The following GXYLT2 variants were observed in gnomAD, a reference collection of about 807,000 sequenced individuals.
The protein encoded by GXYLT2 is glucoside xylosyltransferase 2.
In GXYLT2, 53 loss-of-function variants were observed where a neutral mutation model predicts 45.8. The ratio of observed to expected loss-of-function variants is 1.16; its 90% CI spans 0.93 to 1.46. The LOEUF is 1.46. GXYLT2 is among the 40% of genes most tolerant of loss of function. The pLI is 0.00. For missense variants in GXYLT2, 551 were observed against 544.4 expected (o/e 1.01, Z -0.12); for synonymous variants, 219 against 214.2 (o/e 1.02, Z -0.19).
At chr3:72,956,126 C>T (rs1710640105) in intron 4 of GXYLT2, among the ~76,000 whole-genome samples, 1 of 152,028 alleles carries the variant, frequency 6.6e-6, no homozygotes, top group African/African-American at 2.4e-5. Flanking sequence ...TGTCACGTGG[C>T]TGTAGTCTCA....
intron 3 of GXYLT2, among the ~76,000 whole-genome samples, chr3:72,948,218 G>A (rs1053266098): frequency 1.3e-5 from 2 of 152,148 alleles, no homozygotes; most frequent in African/African-American, 2.4e-5. Flanking sequence ...AAACCAGTGA[G>A]GATATAGAAG....
intron 3 of GXYLT2, among the ~76,000 whole-genome samples, chr3:72,950,629 A>G (rs1292495160): frequency 2.3e-5 from 2 of 86,186 alleles, no homozygotes; most frequent in East Asian, 9.9e-4. Context: ...AACCCTGTCT[A>G]AAAAAAAAAA....
intron 3 of GXYLT2, among the ~76,000 whole-genome samples, chr3:72,937,328 C>T (rs73838426): frequency 0.028 from 4,308 of 152,192 alleles, 208 homozygotes; most frequent in African/African-American, 0.097. Flanking sequence ...GATGAAAATG[C>T]GTTTTTTACT....
At chr3:72,939,357 C>T (rs745677758) in intron 3 of GXYLT2, among the ~76,000 whole-genome samples, 3 of 152,060 alleles carry the variant, frequency 2.0e-5, no homozygotes, top group Non-Finnish European at 2.9e-5. Context: ...ATTATTTGAA[C>T]CCAGGAGGCA....
At chr3:72,914,161 T>C (rs1709686242) in intron 2 of GXYLT2, among the ~76,000 whole-genome samples, 1 of 152,182 alleles carries the variant, frequency 6.6e-6, no homozygotes, top group Admixed American at 6.5e-5. Flanking sequence ...AGTACCGTCA[T>C]GATTCCTCCG....
chr3:72,930,153 C>T (rs1465236642), intron 3 of GXYLT2, among the ~76,000 whole-genome samples: 3 of 140,650 alleles, frequency 2.1e-5, no homozygotes, highest in African/African-American at 5.1e-5. Flanking sequence ...GCAAAAAGGG[C>T]GAAACTCCAT....
intron 6 of GXYLT2, among the ~76,000 whole-genome samples, 167 bp from the exon 7 acceptor site, chr3:72,974,810 G>C (rs79935184): frequency 8.5e-4 from 130 of 152,240 alleles, no homozygotes; most frequent in African/African-American, 2.9e-3. Flanking sequence ...ACCTGGGGTT[G>C]CACAGCTGAG....
chr3:72,926,282 A>G (rs1709917031), intron 3 of GXYLT2, among the ~76,000 whole-genome samples: 1 of 152,180 alleles, frequency 6.6e-6, no homozygotes, highest in Non-Finnish European at 1.5e-5. Context: ...CTCAGGTACA[A>G]TTAGTGTGAT....
rs1559537589 is a variant in GXYLT2 at position 72,975,946 on chromosome 3, T to TTTTTTTTC, written c.*790_*791insTTTTCTTT. 1 of 129,604 alleles carries TTTTTTTTC rather than the reference T, an allele frequency of 7.7e-6. No homozygotes were observed. The allele number at this position is 129,604 out of a possible 1,614,324, so 8.0% of individuals were successfully genotyped here. On this transcript the variant is annotated 3_prime_UTR_variant, in exon 7 of 7. Coordinates refer to ENST00000389617, the MANE Select transcript of GXYLT2 (RefSeq NM_001080393.2). Reference sequence around the variant, plus strand: ...TCTTTCTTTTTTTTTTTTTTTTTTTTTTTGAGACGGAATCTCACTCTGTAG... The same window carrying TTTTTTTTC: ...TCTTTCTTTTTTTTTTTTTTTTTTTTTTTTTTTCTTTGAGACGGAATCTCACTCTGTAG...
chr3:72,922,979 G>C (rs890762285), intron 3 of GXYLT2, among the ~76,000 whole-genome samples: 1 of 152,076 alleles, frequency 6.6e-6, no homozygotes, highest in African/African-American at 2.4e-5. Context: ...ATTAGGCGGG[G>C]TGTGTTGGCT....
At chr3:72,919,033 AG>A (rs778388763) in intron 2 of GXYLT2, among the ~76,000 whole-genome samples, 2 of 152,236 alleles carry the variant, frequency 1.3e-5, no homozygotes, top group Non-Finnish European at 2.9e-5. Flanking sequence ...ATTGCTGGTA[AG>A]AATGCAAAAT....
chr3:72,951,627 T>C (rs961279470), intron 3 of GXYLT2, among the ~76,000 whole-genome samples: 3 of 152,162 alleles, frequency 2.0e-5, no homozygotes, highest in African/African-American at 7.2e-5. Flanking sequence ...TTAAGTGCTG[T>C]TTTCTCACAT....
chr3:72,957,476 C>T, intron 5 of GXYLT2, 124 bp downstream of exon 5: 4 of 1,012,128 alleles, frequency 4.0e-6, no homozygotes, highest in Non-Finnish European at 5.6e-6. Flanking sequence ...CTGTGTTCCC[C>T]AGCGAAGTTT....
intron 1 of GXYLT2, among the ~76,000 whole-genome samples, chr3:72,891,424 G>GA (rs1709179992): frequency 1.3e-5 from 2 of 152,156 alleles, no homozygotes; most frequent in African/African-American, 4.8e-5. Flanking sequence ...AGTTTCCAAG[G>GA]ATTTGCCTCG....
Position 72,894,531 on chromosome 3 carries a change from T to C in GXYLT2, c.275+6023T>C, listed in dbSNP as rs566458165. Among the ~76,000 whole-genome samples, 6 of 152,300 alleles carry C rather than the reference T, an allele frequency of 3.9e-5. No individual in the cohort carries two copies. In the South Asian group the frequency reaches 1.2e-3, roughly 32 times the overall value. ...TTGGGATCAGAGACTATATGGTAAA[T>C]GTACCTGATAGCAATAGCTTGAGCA... is the stretch of plus-strand genomic sequence containing the variant. On this transcript the variant is annotated intron_variant, in intron 1 of 6. Coordinates refer to ENST00000389617, the MANE Select transcript of GXYLT2 (RefSeq NM_001080393.2).
At chr3:72,927,582 G>T (rs1709943092) in intron 3 of GXYLT2, among the ~76,000 whole-genome samples, 1 of 152,070 alleles carries the variant, frequency 6.6e-6, no homozygotes, top group Non-Finnish European at 1.5e-5. Context: ...TTACACCTCA[G>T]TATTTGCAAT....
chr3:72,967,140 A>G (rs1710880770), intron 5 of GXYLT2, among the ~76,000 whole-genome samples: 1 of 152,222 alleles, frequency 6.6e-6, no homozygotes, highest in South Asian at 2.1e-4. Flanking sequence ...ATGTATGTTT[A>G]AAGTTTAATC....
At chr3:72,916,145 G>T (rs1406911841) in intron 2 of GXYLT2, among the ~76,000 whole-genome samples, 1 of 150,438 alleles carries the variant, frequency 6.6e-6, no homozygotes, top group Non-Finnish European at 1.5e-5. Context: ...TCACTTCCTG[G>T]TGGAAACTTA....
At chr3:72,929,143 T>C in intron 3 of GXYLT2, 8 of 1,589,900 alleles carry the variant, frequency 5.0e-6, no homozygotes, top group Non-Finnish European at 6.8e-6. Flanking sequence ...CCTCCTACGT[T>C]TACCTGTCCA....
Sources: allele counts gnomAD v4.1 joint callset (sites outside exome capture counted in the v4.1 genomes callset), GRCh38; gene constraint gnomAD v4.1.1; transcripts MANE v1.5; gene names NCBI Gene and HGNC (gene_info 2026-07-23, HGNC 2026-07-21).